Variants in FHOD3 observed in about 807,000 individuals in gnomAD.
FHOD3 encodes the protein FH1/FH2 domain-containing protein 3.
In FHOD3, 90 loss-of-function variants were observed where a neutral mutation model predicts 173.0. The ratio of observed to expected loss-of-function variants is 0.52; its 90% confidence interval spans 0.44 to 0.62. The LOEUF (loss-of-function observed/expected upper bound fraction) is 0.62, where lower values mean the gene tolerates loss of function less well. Ranked by LOEUF, FHOD3 falls within the 20% of genes least tolerant of loss-of-function variation. The pLI, the probability that FHOD3 is intolerant of heterozygous loss-of-function variation, is 0.00. For missense variants in FHOD3, 1,945 were observed against 2,034.7 expected, an observed-to-expected ratio of 0.96 and a Z score of 0.85; for synonymous variants, 828 against 823.0, an observed-to-expected ratio of 1.01 and a Z score of -0.10.
At chr18:36,645,677 T>TA (rs894136350) in intron 10 of FHOD3, among the ~76,000 whole-genome samples, 118 of 152,086 alleles carry the variant, frequency 7.8e-4, no homozygotes, top group African/African-American at 2.7e-3. Context: ...CCAAAATAGG[T>TA]AAAAAATTCT....
At chr18:36,317,073 A>G (rs1598684150) in intron 1 of FHOD3, among the ~76,000 whole-genome samples, 1 of 152,200 alleles carries the variant, frequency 6.6e-6, no homozygotes, top group Non-Finnish European at 1.5e-5. Flanking sequence ...TTATGGCTGC[A>G]TAGTATTCCA....
At position 36,506,068 on chromosome 18, in the gene FHOD3, T is replaced by C. The variant is rs903870313; in HGVS notation, c.405+4069T>C. Among the ~76,000 whole-genome samples the C allele has an allele frequency of 3.9e-5, 6 of 152,216 alleles. No homozygotes were observed. The South Asian group carries it at 1.0e-3, about 26-fold the overall frequency. ...ACTTCACAGAAGCTGGACTAGATGATGATGGCAAGATTTTGTTTTCCTCGA... is the reference window on the plus strand; with the variant it reads ...ACTTCACAGAAGCTGGACTAGATGACGATGGCAAGATTTTGTTTTCCTCGA... On this transcript the variant is annotated intron_variant, in intron 4 of 28. Coordinates refer to ENST00000590592, the MANE Select transcript of FHOD3 (RefSeq NM_001281740.3).
At chr18:36,634,645 G>T (rs1247818130) in intron 10 of FHOD3, among the ~76,000 whole-genome samples, 2 of 152,186 alleles carry the variant, frequency 1.3e-5, no homozygotes, top group Non-Finnish European at 2.9e-5. Context: ...GGCTGGCCGT[G>T]TGCAGTGAAG....
chr18:36,677,367 G>A (rs921726809), intron 14 of FHOD3, among the ~76,000 whole-genome samples: 4 of 151,936 alleles, frequency 2.6e-5, no homozygotes, highest in Admixed American at 2.6e-4. Flanking sequence ...GGTCAGGCTG[G>A]TCTCAAACTC....
Position 36,602,670 on chromosome 18 carries a change from A to C in FHOD3, c.719-4A>C, listed in dbSNP as rs1176912031. ...GTTTCTAATGATTTTTGCTTTACTC[A>C]TAGGGGTCAAACCTTGGTCAAATAT... On this transcript the variant is annotated splice_polypyrimidine_tract_variant and splice_region_variant and intron_variant, in intron 7 of 28. Coordinates refer to ENST00000590592, the MANE Select transcript of FHOD3 (RefSeq NM_001281740.3). 3 of 1,610,600 alleles carry C rather than the reference A, an allele frequency of 1.9e-6. No homozygotes were observed. Among genetic ancestry groups the C allele is most frequent in the Non-Finnish European group, 2.5e-6 (3 of 1,176,730 alleles).
rs547072718 is a variant in FHOD3 at position 36,613,429 on chromosome 18, A to G, written c.957+1334A>G. On this transcript the variant is annotated intron_variant, in intron 9 of 28. Coordinates refer to ENST00000590592, the MANE Select transcript of FHOD3 (RefSeq NM_001281740.3). ...AGTACTTAACTATGAGAGTGTTGAAATGACACTCTTTCTTGCTGATCCTCA... is the reference window on the plus strand; with the variant it reads ...AGTACTTAACTATGAGAGTGTTGAAGTGACACTCTTTCTTGCTGATCCTCA... Among the ~76,000 whole-genome samples, 3 of 152,238 alleles carry G rather than the reference A, an allele frequency of 2.0e-5. No homozygotes were observed. The South Asian group carries it at 6.2e-4, about 32-fold the overall frequency.
intron 3 of FHOD3, among the ~76,000 whole-genome samples, chr18:36,413,449 T>A (rs1180520440): frequency 6.6e-6 from 1 of 152,198 alleles, no homozygotes; most frequent in Non-Finnish European, 1.5e-5. Flanking sequence ...TTTTGGGCTG[T>A]GAGCTGAGGT....
chr18:36,634,576 A>G (rs1451628623), intron 10 of FHOD3, among the ~76,000 whole-genome samples: 1 of 152,060 alleles, frequency 6.6e-6, no homozygotes. Flanking sequence ...GTGTTATATG[A>G]CGTTAATCTA....
intron 5 of FHOD3, among the ~76,000 whole-genome samples, chr18:36,525,155 A>G (rs1360835185): frequency 2.0e-5 from 3 of 152,198 alleles, no homozygotes; most frequent in Admixed American, 6.5e-5. Flanking sequence ...ATTAGGTTAC[A>G]TTGCAAAGGT....
chr18:36,750,387 C>A (rs865875562), intron 24 of FHOD3, among the ~76,000 whole-genome samples: 1 of 152,166 alleles, frequency 6.6e-6, no homozygotes, highest in Non-Finnish European at 1.5e-5. Flanking sequence ...CGACATTAGA[C>A]CTTTGTCAGA....
intron 21 of FHOD3, among the ~76,000 whole-genome samples, chr18:36,741,333 G>A (rs2041891961): frequency 6.6e-6 from 1 of 152,274 alleles, no homozygotes; most frequent in South Asian, 2.1e-4. Context: ...AGAAAGCAGA[G>A]GACATGGGCA....
intron 3 of FHOD3, among the ~76,000 whole-genome samples, chr18:36,467,945 G>A (rs1022921624): frequency 6.6e-6 from 1 of 152,224 alleles, no homozygotes; most frequent in Non-Finnish European, 1.5e-5. Context: ...GTTAAGAAAC[G>A]AAATGCCAAG....
chr18:36,769,279 T>C lies in FHOD3; in HGVS notation c.4639T>C (p.Trp1547Arg), dbSNP rs1410802385. 1 of 1,614,046 alleles carries C rather than the reference T, an allele frequency of 6.2e-7. No individual in the cohort carries two copies. Among genetic ancestry groups the C allele is most frequent in the African/African-American group, 1.3e-5 (1 of 74,918 alleles). Residue 1547 changes from tryptophan to arginine, a missense_variant, in exon 28 of 29, where the codon TGG (tryptophan) becomes CGG (arginine). By Grantham distance (101) the Trp-to-Arg change is moderately radical (BLOSUM62 -3). Coordinates refer to ENST00000590592, the MANE Select transcript of FHOD3 (RefSeq NM_001281740.3). Reference sequence around the variant, plus strand: ...TTAATTTTTAGGATCCACTAGTTCCTGGACTATGGGAACTGATGACTCGCC... The same window carrying C: ...TTAATTTTTAGGATCCACTAGTTCCCGGACTATGGGAACTGATGACTCGCC... ...SRASRGSTSS[W>R]TMGTDDSPNV...
At chr18:36,479,917 C>A (rs1210385416) in intron 3 of FHOD3, among the ~76,000 whole-genome samples, 1 of 152,218 alleles carries the variant, frequency 6.6e-6, no homozygotes, top group African/African-American at 2.4e-5. Context: ...TCTTCCTCAG[C>A]TGCAGCTTCA....
chr18:36,375,504 C>T (rs7241542), intron 3 of FHOD3, among the ~76,000 whole-genome samples: 1,856 of 152,288 alleles, frequency 0.012, 36 homozygotes, highest in African/African-American at 0.042. Context: ...TAATGCTTTC[C>T]TCACCCTACA....
chr18:36,388,754 A>T (rs1233643137), intron 3 of FHOD3, among the ~76,000 whole-genome samples: 1 of 152,240 alleles, frequency 6.6e-6, no homozygotes, highest in Non-Finnish European at 1.5e-5. Context: ...CAAGCAAAAA[A>T]CAAAACAGAC....
intron 3 of FHOD3, among the ~76,000 whole-genome samples, chr18:36,454,827 G>A (rs1371053357): frequency 6.6e-6 from 1 of 152,036 alleles, no homozygotes; most frequent in East Asian, 1.9e-4. Flanking sequence ...TTTCAACCAG[G>A]TGTTCCATAT....
chr18:36,302,387 C>T (rs2091977060), intron 1 of FHOD3, among the ~76,000 whole-genome samples: 1 of 152,146 alleles, frequency 6.6e-6, no homozygotes, highest in Admixed American at 6.5e-5. Context: ...GGTGCTGCCA[C>T]CGCCCCTCCC....
chr18:36,405,199 C>T (rs1207450675), intron 3 of FHOD3, among the ~76,000 whole-genome samples: 1 of 152,218 alleles, frequency 6.6e-6, no homozygotes, highest in Non-Finnish European at 1.5e-5. Context: ...ATCCCTGTCT[C>T]TTCCATTTAG....
Sources: gnomAD v4.1 joint callset for allele counts (sites outside exome capture counted in the v4.1 genomes callset) on GRCh38, gnomAD v4.1.1 for gene constraint, MANE v1.5 for transcripts, NCBI Gene and HGNC (gene_info 2026-07-23, HGNC 2026-07-21) for gene names.